Variants in NAA38 observed in about 807,000 individuals in gnomAD.
NAA38 encodes LSM domain containing 1.
A neutral mutation model predicts 12.6 loss-of-function variants in NAA38; 15 were observed. The observed-to-expected ratio is 1.19, with a 90% CI of 0.79 to 1.83. NAA38 has a LOEUF of 1.83. NAA38 is among the 40% of genes most tolerant of loss of function. The pLI is 0.00. For synonymous variants in NAA38, 88 were observed against 69.9 expected, an observed-to-expected ratio of 1.26 and a Z score of -1.29; for missense variants, 183 against 171.7, an observed-to-expected ratio of 1.07 and a Z score of -0.37.
At chr17:7,877,607 C>T (rs1226594566) in intron 2 of NAA38, among the ~76,000 whole-genome samples, 2 of 152,062 alleles carry the variant, frequency 1.3e-5, no homozygotes, top group African/African-American at 4.8e-5. Context: ...TTTGCTGTTA[C>T]AAACAGTGTT....
chr17:7,869,786 AT>A (rs1203538136), intron 2 of NAA38, among the ~76,000 whole-genome samples: 4 of 151,970 alleles, frequency 2.6e-5, no homozygotes, highest in Non-Finnish European at 5.9e-5. Flanking sequence ...AGAAAAAAAA[AT>A]ATTTTCCTTT....
At chr17:7,859,018 G>C (rs2078861136), upstream of NAA38, 1 of 573,882 alleles carries the variant, frequency 1.7e-6, no homozygotes, top group Non-Finnish European at 3.0e-6. Context: ...GGTCACAGGG[G>C]GACAAGAGAC....
chr17:7,858,052 C>G (rs1370723049), upstream of NAA38: 7 of 1,564,792 alleles, frequency 4.5e-6, no homozygotes, highest in Non-Finnish European at 8.6e-7. Context: ...CTCCCGGACG[C>G]GACGGAGGTC....
chr17:7,859,004 T>C (rs939646492), upstream of NAA38: 2 of 590,816 alleles, frequency 3.4e-6, no homozygotes, highest in East Asian at 2.9e-5. Flanking sequence ...TCTAGGAGTG[T>C]CTGGGTCACA....
intron 1 of NAA38, 69 bp downstream of exon 1, chr17:7,857,314 G>C (rs2151384205): frequency 6.2e-7 from 1 of 1,612,508 alleles, no homozygotes; most frequent in South Asian, 1.1e-5. Flanking sequence ...GCCGGGAGCT[G>C]CAGTTCCCCA....
intron 1 of NAA38, among the ~76,000 whole-genome samples, chr17:7,883,855 T>C (rs1303568663): frequency 6.6e-6 from 1 of 152,016 alleles, no homozygotes; most frequent in Non-Finnish European, 1.5e-5. Context: ...AGCTTTTCTT[T>C]AGAGAAGGGA....
upstream of NAA38, chr17:7,860,428 C>G (rs1017876412): frequency 1.3e-5 from 2 of 152,176 alleles, no homozygotes; most frequent in African/African-American, 4.8e-5. Flanking sequence ...TTCAAGACAA[C>G]TACCCCATAA....
At chr17:7,858,176 T>C, upstream of NAA38, 1 of 1,613,806 alleles carries the variant, frequency 6.2e-7, no homozygotes, top group South Asian at 1.1e-5. Flanking sequence ...ACTTGGAGTA[T>C]TTTCAGCGTC....
In NAA38 at chr17:7,885,060, C is replaced by T. The variant is rs1236319838; in HGVS notation, c.-167+105G>A. 21 of 965,902 alleles carry T rather than the reference C, an allele frequency of 2.2e-5. No individual in the cohort carries two copies. The South Asian group carries it at 7.4e-4, about 34-fold the overall frequency. The allele number at this position is 965,902 out of a possible 1,614,324, so 59.8% of individuals were successfully genotyped here. A position where few individuals can be genotyped will look rare whatever the true frequency, so the allele number is the denominator to read the frequency against. Reference sequence around the variant, plus strand: ...CCGCCGCCGCCGCCACCGCTGCCCCCGCCGCCGCCGCCCCCGCCGCCAGGT... The same window carrying T: ...CCGCCGCCGCCGCCACCGCTGCCCCTGCCGCCGCCGCCCCCGCCGCCAGGT... On this transcript the variant is annotated intron_variant, in intron 1 of 4. Transcript: ENST00000576861.
chr17:7,872,167 A>G (rs1333577160), intron 2 of NAA38, among the ~76,000 whole-genome samples: 1 of 152,144 alleles, frequency 6.6e-6, no homozygotes, highest in African/African-American at 2.4e-5. Flanking sequence ...TTTTAACTTT[A>G]TGTTTTCTTA....
intron 2 of NAA38, among the ~76,000 whole-genome samples, chr17:7,873,594 A>G (rs1056863311): frequency 6.6e-6 from 1 of 152,166 alleles, no homozygotes; most frequent in Non-Finnish European, 1.5e-5. Context: ...GTGACTGGGA[A>G]AGAGCAAGTG....
chr17:7,874,885 C>CAA (rs35962141), intron 2 of NAA38, among the ~76,000 whole-genome samples: 154 of 45,198 alleles, frequency 3.4e-3, no homozygotes, highest in East Asian at 9.5e-3. Flanking sequence ...AACTCCATCT[C>CAA]AAAAAAAAAA....
intron 2 of NAA38, among the ~76,000 whole-genome samples, chr17:7,875,460 G>A (rs1334560269): frequency 6.6e-6 from 1 of 151,968 alleles, no homozygotes; most frequent in Non-Finnish European, 1.5e-5. Flanking sequence ...TCAGTTTCCT[G>A]AGTAGGTAGG....
intron 2 of NAA38, among the ~76,000 whole-genome samples, chr17:7,881,134 G>C (rs1967264620): frequency 6.6e-6 from 1 of 152,180 alleles, no homozygotes; most frequent in African/African-American, 2.4e-5. Context: ...CAGGAAATGT[G>C]AAACAGTGGC....
At chr17:7,866,495 G>C in exon 3 of NAA38, 1 of 1,231,388 alleles carries the variant, frequency 8.1e-7, no homozygotes, top group Non-Finnish European at 1.0e-6. Flanking sequence ...CCTTACCATG[G>C]TCCAGAAGGT....
intron 2 of NAA38, among the ~76,000 whole-genome samples, chr17:7,871,493 T>A (rs1052360027): frequency 1.3e-5 from 2 of 152,236 alleles, no homozygotes; most frequent in South Asian, 4.1e-4. Context: ...TTCTATGACA[T>A]CTTTATTTCA....
chr17:7,858,041 G>A (rs1379174111), upstream of NAA38: 8 of 1,555,526 alleles, frequency 5.1e-6, no homozygotes, highest in East Asian at 1.1e-4. Context: ...TCTCCCCTCG[G>A]CTCCCGGACG....
chr17:7,876,446 A>C (rs1215317245), intron 2 of NAA38, among the ~76,000 whole-genome samples: 1 of 152,144 alleles, frequency 6.6e-6, no homozygotes, highest in Non-Finnish European at 1.5e-5. Context: ...ACTATAACCT[A>C]TCATGAACTT....
intron 3 of NAA38, among the ~76,000 whole-genome samples, chr17:7,866,253 A>ATTTT (rs56289148): frequency 3.1e-4 from 28 of 90,570 alleles, no homozygotes; most frequent in Non-Finnish European, 4.9e-4. Flanking sequence ...AGCCCGGCTA[A>ATTTT]TTTTTTTTTT....
Sources: gnomAD v4.1 joint callset for allele counts (sites outside exome capture counted in the v4.1 genomes callset) on GRCh38, gnomAD v4.1.1 for gene constraint, MANE v1.5 for transcripts, NCBI Gene and HGNC (gene_info 2026-07-23, HGNC 2026-07-21) for gene names.